Variants in GMDS observed in about 807,000 individuals in gnomAD.
GMDS encodes GDP-mannose 4,6 dehydratase.
Under a neutral mutation model 49.9 loss-of-function variants are expected in GMDS, and 20 were observed. That is an observed-to-expected ratio of 0.40 (90% CI 0.28 to 0.58). GMDS has a LOEUF of 0.58. Among genes scored for constraint, GMDS ranks in the 20% least tolerant of loss-of-function variants. The probability of loss-of-function intolerance (pLI) is 0.42; values close to 1 mark genes in which losing one functional copy is unlikely to be tolerated. For synonymous variants in GMDS, 177 were observed against 178.6 expected (o/e 0.99, Z 0.07); for missense variants, 362 against 481.4 (o/e 0.75, Z 2.32).
chr6:2,084,708 C>T (rs1468729688), intron 4 of GMDS, among the ~76,000 whole-genome samples: 2 of 152,054 alleles, frequency 1.3e-5, no homozygotes, highest in Non-Finnish European at 2.9e-5. Flanking sequence ...GGGGTTTCAC[C>T]GTGTTAGCCA....
chr6:1,879,597 T>C (rs79851658), intron 7 of GMDS, among the ~76,000 whole-genome samples: 14 of 151,948 alleles, frequency 9.2e-5, no homozygotes, highest in Non-Finnish European at 2.1e-4. Flanking sequence ...TTTTTTTTTT[T>C]AAAGAATATT....
chr6:1,973,799 A>G (rs1220286664), intron 4 of GMDS, among the ~76,000 whole-genome samples: 1 of 152,218 alleles, frequency 6.6e-6, no homozygotes, highest in African/African-American at 2.4e-5. Context: ...ATAAAATGAC[A>G]GAACAACAAC....
At chr6:1,636,220 G>C (rs1763143586) in intron 9 of GMDS, among the ~76,000 whole-genome samples, 1 of 152,176 alleles carries the variant, frequency 6.6e-6, no homozygotes, top group Non-Finnish European at 1.5e-5. Context: ...ATAAACACAG[G>C]AAAGAGGGAC....
intron 1 of GMDS, among the ~76,000 whole-genome samples, chr6:2,197,125 A>C (rs1779306462): frequency 6.6e-6 from 1 of 152,258 alleles, no homozygotes; most frequent in Non-Finnish European, 1.5e-5. Flanking sequence ...GTCAGTATTA[A>C]ATAATGTCAT....
intron 7 of GMDS, among the ~76,000 whole-genome samples, chr6:1,808,978 A>G (rs1293229137): frequency 6.6e-6 from 1 of 152,194 alleles, no homozygotes; most frequent in African/African-American, 2.4e-5. Flanking sequence ...TATTTAATGG[A>G]ATTAAACACA....
At chr6:1,775,119 C>T (rs912906771) in intron 7 of GMDS, among the ~76,000 whole-genome samples, 4 of 152,106 alleles carry the variant, frequency 2.6e-5, no homozygotes, top group Non-Finnish European at 5.9e-5. Flanking sequence ...TTCAGAAATA[C>T]CAAGCCTTCT....
rs3800160 is a variant in GMDS at position 2,130,610 on chromosome 6, A to C, written c.103-5879T>G. On this transcript the variant is annotated intron_variant, in intron 1 of 10. Transcript: ENST00000380815. ...AGTATTGGGTGATGAGTGTAAGGCT[A>C]ACCAAGTATCAGCATTTCAGAAAGA... Among the ~76,000 whole-genome samples, 114 of 152,324 alleles carry C rather than the reference A, an allele frequency of 7.5e-4. No individual in the cohort carries two copies. The East Asian group carries it at 0.012, about 17-fold the overall frequency.
At chr6:1,930,624 C>G (rs956417546) in intron 6 of GMDS, 1 of 158,256 alleles carries the variant, frequency 6.3e-6, no homozygotes, top group Non-Finnish European at 1.4e-5. Context: ...CTAAGACCAC[C>G]CTGATTTTTT....
At chr6:1,690,179 C>G (rs113825094) in intron 9 of GMDS, among the ~76,000 whole-genome samples, 47 of 152,260 alleles carry the variant, frequency 3.1e-4, no homozygotes, top group African/African-American at 1.0e-3. Context: ...ATTTGAGCAT[C>G]ATTTGTTTTA....
At chr6:1,856,237 T>C (rs1757933182) in intron 7 of GMDS, among the ~76,000 whole-genome samples, 1 of 152,204 alleles carries the variant, frequency 6.6e-6, no homozygotes, top group Admixed American at 6.5e-5. Flanking sequence ...ATCTTCTGAT[T>C]TTGGTGAATA....
In GMDS at chr6:1,778,620, G is replaced by A. The variant is rs557194387; in HGVS notation, c.772-36034C>T. 1.2e-4 allele frequency among the ~76,000 whole-genome samples: 19 copies of A among 152,280 alleles called. No homozygotes were observed. Among genetic ancestry groups the A allele is most frequent in the East Asian group, 7.7e-4 (4 of 5,172 alleles). ...CAGGATTAGAGTAACATTAGTTAAC[G>A]TGGCCCTCCATTAATTTTCACTATA... is the stretch of plus-strand genomic sequence containing the variant. On this transcript the variant is annotated intron_variant, in intron 7 of 10. Coordinates refer to ENST00000380815, the MANE Select transcript of GMDS (RefSeq NM_001500.4). This position sits in a 1 kb window ranked among gnomAD's most constrained non-coding sequence, Gnocchi z 4.6.
intron 1 of GMDS, among the ~76,000 whole-genome samples, chr6:2,168,673 A>C (rs527484983): frequency 1.1e-4 from 17 of 152,342 alleles, no homozygotes; most frequent in Admixed American, 1.1e-3. Flanking sequence ...AATTCTTCAA[A>C]TACCAGTCAG....
chr6:1,657,305 A>T (rs2814823), intron 9 of GMDS, among the ~76,000 whole-genome samples: 11 of 152,252 alleles, frequency 7.2e-5, no homozygotes, highest in African/African-American at 2.2e-4. Flanking sequence ...CGCAGGTGCA[A>T]GGTGGACAGC....
At chr6:1,915,704 G>T (rs1761351714) in intron 7 of GMDS, among the ~76,000 whole-genome samples, 1 of 152,176 alleles carries the variant, frequency 6.6e-6, no homozygotes, top group South Asian at 2.1e-4. Context: ...GCCTGATCTG[G>T]GCCAGACTCA....
chr6:1,841,531 T>C (rs1376237963), intron 7 of GMDS, among the ~76,000 whole-genome samples: 1 of 152,164 alleles, frequency 6.6e-6, no homozygotes, highest in Non-Finnish European at 1.5e-5. Context: ...TACCAACTCA[T>C]TTTTTTCCTC....
chr6:2,127,921 T>C (rs1188651581), intron 1 of GMDS, among the ~76,000 whole-genome samples: 1 of 152,226 alleles, frequency 6.6e-6, no homozygotes, highest in Non-Finnish European at 1.5e-5. Flanking sequence ...GACGCTTGAC[T>C]CCTCTGAAAC....
At chr6:2,176,133 T>C in intron 1 of GMDS, 2 of 604,968 alleles carry the variant, frequency 3.3e-6, no homozygotes, top group Non-Finnish European at 5.7e-6. Context: ...CAGGGATGAC[T>C]GCCTCCCCAC....
chr6:1,810,971 C>A (rs776779729), intron 7 of GMDS, among the ~76,000 whole-genome samples: 10 of 152,028 alleles, frequency 6.6e-5, no homozygotes, highest in Non-Finnish European at 1.2e-4. Context: ...TAGGCATGAG[C>A]TTGTCTTTTC....
chr6:1,976,861 T>A (rs1408003), intron 4 of GMDS, among the ~76,000 whole-genome samples: 1 of 151,996 alleles, frequency 6.6e-6, no homozygotes, highest in Non-Finnish European at 1.5e-5. Flanking sequence ...TTAGATTTTA[T>A]GGGAAAACAC....
Sources: allele counts gnomAD v4.1 joint callset (sites outside exome capture counted in the v4.1 genomes callset), GRCh38; gene constraint gnomAD v4.1.1; non-coding constraint Gnocchi (gnomAD v3.1); transcripts MANE v1.5; gene names NCBI Gene and HGNC (gene_info 2026-07-23, HGNC 2026-07-21).